Variants in ATXN10 observed in about 807,000 individuals in gnomAD.
ATXN10 encodes ataxin 10, also known as ataxin-10.
A neutral mutation model predicts 52.9 loss-of-function variants in ATXN10; 28 were observed. The ratio of observed to expected loss-of-function variants is 0.53; its 90% CI spans 0.39 to 0.73. The LOEUF is 0.73. Ranked by LOEUF, ATXN10 falls within the 30% of genes least tolerant of loss-of-function variation. The probability of loss-of-function intolerance (pLI) is 0.00; values close to 1 mark genes in which losing one functional copy is unlikely to be tolerated. For missense variants in ATXN10, 565 were observed against 577.0 expected (o/e 0.98, Z 0.21); for synonymous variants, 226 against 221.5 (o/e 1.02, Z -0.18).
rs1927431784 is a variant in ATXN10 at position 45,789,460 on chromosome 22, A to C, written c.1174-17499A>C. On this transcript the variant is annotated intron_variant, in intron 9 of 11. Coordinates refer to ENST00000252934, the MANE Select transcript of ATXN10 (RefSeq NM_013236.4). The surrounding 1 kb of genome is among the most constrained non-coding windows in gnomAD (Gnocchi z 4.0). ...CATGGCTCTTGTCATTGAAAGCCCCAGAGTCTAATGAAAGAGTGAGACAAG... is the reference window on the plus strand; with the variant it reads ...CATGGCTCTTGTCATTGAAAGCCCCCGAGTCTAATGAAAGAGTGAGACAAG... Among the ~76,000 whole-genome samples the C allele has an allele frequency of 6.6e-6, 1 of 152,174 alleles. No individual in the cohort carries two copies. The highest frequency in any genetic ancestry group is 2.4e-5 in the African/African-American group (1 of 41,410).
chr22:45,731,756 CT>C (rs1366220866), intron 7 of ATXN10, among the ~76,000 whole-genome samples: 1 of 152,150 alleles, frequency 6.6e-6, no homozygotes, highest in Non-Finnish European at 1.5e-5. Flanking sequence ...TGTGAATATA[CT>C]TTCGTTCAGG....
chr22:45,711,488 A>G (rs573193471), intron 5 of ATXN10, among the ~76,000 whole-genome samples: 1 of 152,254 alleles, frequency 6.6e-6, no homozygotes, highest in Admixed American at 6.5e-5. Flanking sequence ...AGCTAAAGAC[A>G]TGCACACAGC....
intron 3 of ATXN10, among the ~76,000 whole-genome samples, chr22:45,698,046 ATTGT>A (rs909018195): frequency 1.3e-5 from 2 of 152,230 alleles, no homozygotes; most frequent in South Asian, 4.1e-4. Flanking sequence ...TTATCCATTC[ATTGT>A]TTGTTGGACA....
intron 6 of ATXN10, among the ~76,000 whole-genome samples, chr22:45,720,498 G>T (rs888595073): frequency 6.6e-6 from 1 of 152,106 alleles, no homozygotes; most frequent in African/African-American, 2.4e-5. Flanking sequence ...CACCATGCCA[G>T]ACTACCATTG....
chr22:45,703,346 G>A (rs73441158), intron 5 of ATXN10, among the ~76,000 whole-genome samples: 2,042 of 152,266 alleles, frequency 0.013, 50 homozygotes, highest in African/African-American at 0.047. Flanking sequence ...CTTTTCAGAG[G>A]TTAATTATGG....
Position 45,835,572 on chromosome 22 carries a change from A to G in ATXN10, c.1238-7419A>G. Among the ~76,000 whole-genome samples the G allele has an allele frequency of 6.6e-6, 1 of 152,198 alleles. No individual in the cohort carries two copies. Among genetic ancestry groups the G allele is most frequent in the East Asian group, 1.9e-4 (1 of 5,198 alleles). ...CTGATTTGGGTTATGCACAGATATA[A>G]AATCTCTAGTGGACAGAGGTGTGAA... On this transcript the variant is annotated intron_variant, in intron 10 of 11. Coordinates refer to ENST00000252934, the MANE Select transcript of ATXN10 (RefSeq NM_013236.4). The surrounding 1 kb of genome is among the most constrained non-coding windows in gnomAD (Gnocchi z 5.0).
intron 9 of ATXN10, among the ~76,000 whole-genome samples, chr22:45,761,795 A>G (rs1189016449): frequency 6.6e-6 from 1 of 152,242 alleles, no homozygotes; most frequent in Non-Finnish European, 1.5e-5. Context: ...TTTAATTAAA[A>G]TTTTAAAAAA....
intron 6 of ATXN10, among the ~76,000 whole-genome samples, chr22:45,719,494 G>A (rs573740319): frequency 6.6e-6 from 1 of 151,826 alleles, no homozygotes; most frequent in South Asian, 2.1e-4. Context: ...TACAGATAGA[G>A]AAGTATTTGT....
At chr22:45,707,274 G>C (rs964413238) in intron 5 of ATXN10, among the ~76,000 whole-genome samples, 4 of 152,196 alleles carry the variant, frequency 2.6e-5, no homozygotes, top group African/African-American at 7.2e-5. Flanking sequence ...TGAGGTATGA[G>C]CTTTTTCAAT....
rs183419648 is a variant in ATXN10, at chr22:45,810,604, T to C, written c.1237+3582T>C. ...ATGAGAATTGACATACAGTACTTAG[T>C]TTCCAACCCAAGAACATCTTATATC... On this transcript the variant is annotated intron_variant, in intron 10 of 11. Transcript: ENST00000252934. 4.6e-5 allele frequency among the ~76,000 whole-genome samples: 7 copies of C among 152,360 alleles called. No homozygotes were observed. The East Asian group carries it at 1.2e-3, about 25-fold the overall frequency.
intron 7 of ATXN10, among the ~76,000 whole-genome samples, chr22:45,734,801 G>A (rs1196666327): frequency 6.6e-6 from 1 of 151,056 alleles, no homozygotes; most frequent in South Asian, 2.1e-4. Context: ...GATTTCTTCT[G>A]TTACAGGCAT....
At position 45,805,633 on chromosome 22, in the gene ATXN10, A is replaced by G. The variant is rs933806677; in HGVS notation, c.1174-1326A>G. 1.3e-5 allele frequency among the ~76,000 whole-genome samples: 2 copies of G among 152,216 alleles called. No individual in the cohort carries two copies. Among genetic ancestry groups the G allele is most frequent in the African/African-American group, 4.8e-5 (2 of 41,464 alleles). ...AGATTTTCTGACTCCGTTATAGGAAATGTCCAGAATAGGCAAATCCAGAGA... is the reference window on the plus strand; with the variant it reads ...AGATTTTCTGACTCCGTTATAGGAAGTGTCCAGAATAGGCAAATCCAGAGA... On this transcript the variant is annotated intron_variant, in intron 9 of 11. Transcript: ENST00000252934. This position sits in a 1 kb window ranked among gnomAD's most constrained non-coding sequence, Gnocchi z 4.4.
At chr22:45,778,344 C>T (rs1037392643) in intron 9 of ATXN10, among the ~76,000 whole-genome samples, 1 of 152,146 alleles carries the variant, frequency 6.6e-6, no homozygotes, top group African/African-American at 2.4e-5. Flanking sequence ...CAGCAGTGAA[C>T]GAATACTGGC....
In ATXN10 at chr22:45,823,369, C is replaced by A; in HGVS notation, c.1237+16347C>A. 1 of 313,144 alleles carries A rather than the reference C, an allele frequency of 3.2e-6. No homozygotes were observed. Among genetic ancestry groups the A allele is most frequent in the Non-Finnish European group, 6.4e-6 (1 of 156,390 alleles). The allele number at this position is 313,144 out of a possible 1,614,324, so 19.4% of individuals were successfully genotyped here. A position where few individuals can be genotyped will look rare whatever the true frequency, so the allele number is the denominator to read the frequency against. Reference sequence around the variant, plus strand: ...GCTAAAGGCTTTACAGTTTTGCCTTCTATCTGGATTTGTAATCTATCAGAA... The same window carrying A: ...GCTAAAGGCTTTACAGTTTTGCCTTATATCTGGATTTGTAATCTATCAGAA... On this transcript the variant is annotated intron_variant, in intron 10 of 11. Transcript: ENST00000252934. This position sits in a 1 kb window ranked among gnomAD's most constrained non-coding sequence, Gnocchi z 4.9.
rs1928611839 is a variant in ATXN10, at chr22:45,820,507, T to C, written c.1237+13485T>C. 6.6e-6 allele frequency among the ~76,000 whole-genome samples: 1 copy of C among 152,210 alleles called. No homozygotes were observed. The highest frequency in any genetic ancestry group is 1.5e-5 in the Non-Finnish European group (1 of 68,028). The stretch of plus-strand genomic sequence containing the variant: ...TCTGCCTGGAGTTGACTGCTTCTTA[T>C]GGAGTGAGATGGGGTGGCTGGAGGA... On this transcript the variant is annotated intron_variant, in intron 10 of 11. Coordinates refer to ENST00000252934, the MANE Select transcript of ATXN10 (RefSeq NM_013236.4). The surrounding 1 kb of genome is among the most constrained non-coding windows in gnomAD (Gnocchi z 4.9).
rs1352707443 is a variant in ATXN10 at position 45,784,685 on chromosome 22, G to A, written c.1174-22274G>A. ...CACAGCTTAGAGCAGGGCCCAAATTGACCTCATGGCTATTCTTACACATTC... is the reference window on the plus strand; with the variant it reads ...CACAGCTTAGAGCAGGGCCCAAATTAACCTCATGGCTATTCTTACACATTC... On this transcript the variant is annotated intron_variant, in intron 9 of 11. Transcript: ENST00000252934. The surrounding 1 kb of genome is among the most constrained non-coding windows in gnomAD (Gnocchi z 4.2). 6.6e-6 allele frequency among the ~76,000 whole-genome samples: 1 copy of A among 152,148 alleles called. No individual in the cohort carries two copies. The highest frequency in any genetic ancestry group is 2.4e-5 in the African/African-American group (1 of 41,436).
At position 45,772,501 on chromosome 22, in the gene ATXN10, G is replaced by A. The variant is rs1199255414; in HGVS notation, c.1173+31963G>A. 6.6e-6 allele frequency among the ~76,000 whole-genome samples: 1 copy of A among 151,968 alleles called. No individual in the cohort carries two copies. The highest frequency in any genetic ancestry group is 1.5e-5 in the Non-Finnish European group (1 of 67,988). Reference sequence around the variant, plus strand: ...CAATTTACAGTAAATCTTAAAATTGGGTAGTGTGATTCATCCAACTTTATT... The same window carrying A: ...CAATTTACAGTAAATCTTAAAATTGAGTAGTGTGATTCATCCAACTTTATT... On this transcript the variant is annotated intron_variant, in intron 9 of 11. Coordinates refer to ENST00000252934, the MANE Select transcript of ATXN10 (RefSeq NM_013236.4). The surrounding 1 kb of genome is among the most constrained non-coding windows in gnomAD (Gnocchi z 4.1).
chr22:45,781,398 G>A lies in ATXN10; in HGVS notation c.1174-25561G>A, dbSNP rs1305788807. On this transcript the variant is annotated intron_variant, in intron 9 of 11. Transcript: ENST00000252934. The surrounding 1 kb of genome is among the most constrained non-coding windows in gnomAD (Gnocchi z 4.2). ...TAGTGAGGCACCCCTCTCTCCCCGG[G>A]TGTCAAAGGAGGTTGAGTGAGGGAC... Among the ~76,000 whole-genome samples, 1 of 152,146 alleles carries A rather than the reference G, an allele frequency of 6.6e-6. No homozygotes were observed. Among genetic ancestry groups the A allele is most frequent in the East Asian group, 1.9e-4 (1 of 5,194 alleles).
At chr22:45,807,097 T>C (rs548652658) in intron 10 of ATXN10, 75 bp downstream of exon 10, 340 of 1,197,874 alleles carry the variant, frequency 2.8e-4, no homozygotes, top group Admixed American at 4.7e-4. Flanking sequence ...TTGCCTCATG[T>C]TCATTCAGTA....
Sources: gnomAD v4.1 joint callset for allele counts (sites outside exome capture counted in the v4.1 genomes callset) on GRCh38, gnomAD v4.1.1 for gene constraint, Gnocchi (gnomAD v3.1) non-coding constraint, MANE v1.5 for transcripts, NCBI Gene and HGNC (gene_info 2026-07-23, HGNC 2026-07-21) for gene names.